The following PINK1 variants were observed in gnomAD, a reference collection of about 807,000 sequenced individuals.
PINK1 encodes the protein serine/threonine-protein kinase PINK1, mitochondrial.
Under a neutral mutation model 56.0 loss-of-function variants are expected in PINK1, and 58 were observed. That is an observed-to-expected ratio of 1.04 (90% CI 0.84 to 1.29). The LOEUF (loss-of-function observed/expected upper bound fraction) is 1.29, where lower values mean the gene tolerates loss of function less well. Ranked by LOEUF, PINK1 falls within the 50% of genes most tolerant of loss-of-function variation. The pLI, the probability that PINK1 is intolerant of heterozygous loss-of-function variation, is 0.00. For missense variants in PINK1, 745 were observed against 777.9 expected, an observed-to-expected ratio of 0.96 and a Z score of 0.50; for synonymous variants, 354 against 339.3, an observed-to-expected ratio of 1.04 and a Z score of -0.48.
At position 20,650,546 on chromosome 1, in the gene PINK1, A is replaced by G; in HGVS notation, c.1601A>G (p.Gln534Arg). The change falls in exon 8 of 8, where the codon CAA (glutamine) becomes CGA (arginine). Residue 534 changes from glutamine to arginine, a missense_variant. Physicochemically the swap from Gln to Arg is conservative, Grantham distance 43. Transcript: ENST00000321556. ...AAGATGGTTGGCTGGCTCCTCCAAC[A>G]ATCGGCCGCCACTTTGTTGGCCAAC... ...LDKMVGWLLQQSAATLLANRL... is the reference protein window; with the variant it reads ...LDKMVGWLLQRSAATLLANRL... 1 of 1,614,240 alleles carries G rather than the reference A, an allele frequency of 6.2e-7. No individual in the cohort carries two copies. The highest frequency in any genetic ancestry group is 8.5e-7 in the Non-Finnish European group (1 of 1,180,046).
At chr1:20,636,079 A>T (rs1276519512) in intron 1 of PINK1, among the ~76,000 whole-genome samples, 1 of 152,058 alleles carries the variant, frequency 6.6e-6, no homozygotes, top group African/African-American at 2.4e-5. Flanking sequence ...AGGTGGGTGG[A>T]TTGCTTGAGC....
intron 3 of PINK1, among the ~76,000 whole-genome samples, chr1:20,642,011 C>T (rs996951199): frequency 6.6e-6 from 1 of 152,142 alleles, no homozygotes; most frequent in Non-Finnish European, 1.5e-5. Flanking sequence ...CCCAGGGGCC[C>T]GAGGGTGGAA....
rs1404815028 is a variant in PINK1, at chr1:20,650,659, C to T, written c.1714C>T (p.Leu572Phe). Residue 572 changes from leucine (L) to phenylalanine (F), a missense_variant, in exon 8 of 8, where the codon CTC becomes TTC. Physicochemically the swap from Leu to Phe is conservative, Grantham distance 22. Coordinates refer to ENST00000321556, the MANE Select transcript of PINK1 (RefSeq NM_032409.3). The part of the protein sequence containing the change: ...LECETLCQAA[L>F]LLCSWRAAL The stretch of plus-strand genomic sequence containing the variant: ...GTGTGAAACGCTCTGCCAGGCAGCC[C>T]TCCTCCTCTGCTCATGGAGGGCAGC... The T allele has an allele frequency of 6.2e-7, 1 of 1,613,970 alleles. No homozygotes were observed. Among genetic ancestry groups the T allele is most frequent in the Non-Finnish European group, 8.5e-7 (1 of 1,180,042 alleles).
At chr1:20,646,869 TA>T (rs2053188488) in intron 5 of PINK1, among the ~76,000 whole-genome samples, 1 of 136,792 alleles carries the variant, frequency 7.3e-6, no homozygotes, top group Non-Finnish European at 1.6e-5. Context: ...TTTCTTTATT[TA>T]TTTACTTATT....
rs1018195590 is a variant in PINK1, at chr1:20,633,886, A to C, written c.338A>C (p.Glu113Ala). The C allele has an allele frequency of 9.5e-6, 15 of 1,583,510 alleles. No homozygotes were observed. The highest frequency in any genetic ancestry group is 1.1e-5 in the Non-Finnish European group (13 of 1,166,832). Residue 113 changes from glutamate to alanine, a missense_variant, in exon 1 of 8, where the codon GAA (glutamate) becomes GCA (alanine). By Grantham distance (107) the Glu-to-Ala change is moderately radical. Transcript: ENST00000321556. ...GGGCTAGGGCTGGGCCTCATCGAGG[A>C]AAAACAGGCGGAGAGCCGGCGGGCG... is the stretch of plus-strand genomic sequence containing the variant. ...AFGLGLGLIE[E>A]KQAESRRAVS... is the part of the protein sequence containing the mutation.
intron 5 of PINK1, 147 bp downstream of exon 5, chr1:20,645,870 T>G: frequency 8.3e-5 from 90 of 1,089,940 alleles, no homozygotes; most frequent in Middle Eastern, 3.0e-4. Context: ...TAGCAATCTC[T>G]CCCTTAGAAC....
At chr1:20,645,363 C>T (rs926524477) in intron 4 of PINK1, 197 bp from the exon 5 acceptor site, 8 of 646,898 alleles carry the variant, frequency 1.2e-5, no homozygotes, top group Non-Finnish European at 1.9e-5. Flanking sequence ...GTGGCGGGCA[C>T]CTATAATCCC....
chr1:20,639,704 T>C, intron 2 of PINK1, 188 bp from the exon 3 acceptor site: 1 of 667,608 alleles, frequency 1.5e-6, no homozygotes, highest in Non-Finnish European at 2.7e-6. Context: ...TTGGCATGGA[T>C]GGTACCTCTG....
At chr1:20,636,392 T>C (rs1055219787) in intron 1 of PINK1, among the ~76,000 whole-genome samples, 9 of 151,814 alleles carry the variant, frequency 5.9e-5, no homozygotes, top group African/African-American at 2.2e-4. Context: ...TCGCCCAGGC[T>C]GTGCAATGGC....
At chr1:20,648,702 G>A (rs548735481) in intron 6 of PINK1, 70 bp downstream of exon 6, 31 of 1,591,852 alleles carry the variant, frequency 1.9e-5, no homozygotes, top group East Asian at 4.5e-5. Flanking sequence ...CAGGAGACTC[G>A]ATGCCTTGTG....
intron 1 of PINK1, among the ~76,000 whole-genome samples, chr1:20,635,615 A>G (rs1152994): frequency 1 from 152,025 of 152,036 alleles, 76,007 homozygotes; most frequent in Middle Eastern, 1. Context: ...TTGGGAGGCC[A>G]AGGCGGGCGG....
Position 20,639,888 on chromosome 1 carries a change from C to G in PINK1, c.676-4C>G. 6.2e-7 allele frequency: 1 copy of G among 1,610,570 alleles called. No individual in the cohort carries two copies. Among genetic ancestry groups the G allele is most frequent in the South Asian group, 1.1e-5 (1 of 90,172 alleles). ...TAACCCTGGGTTCCTTGTGGGTGTT[C>G]CAGGCAGGTTCCTCCAGCGAAGCCA... On this transcript the variant is annotated splice_polypyrimidine_tract_variant and splice_region_variant and intron_variant, in intron 2 of 7. Coordinates refer to ENST00000321556, the MANE Select transcript of PINK1 (RefSeq NM_032409.3).
rs1409170187 is a variant in PINK1 at position 20,644,471 on chromosome 1, G to C, written c.777-19G>C. The C allele has an allele frequency of 1.2e-6, 2 of 1,613,614 alleles. No individual in the cohort carries two copies. The highest frequency in any genetic ancestry group is 1.7e-6 in the Non-Finnish European group (2 of 1,179,620). ...TATCTGATGCTGGCCTCATATGTTT[G>C]TCTCACTTGGCTGACTAGAAAATCC... On this transcript the variant is annotated intron_variant, in intron 3 of 7. Coordinates refer to ENST00000321556, the MANE Select transcript of PINK1 (RefSeq NM_032409.3).
Position 20,633,594 on chromosome 1 carries a change from G to C in PINK1, c.46G>C (p.Ala16Pro). 1 of 1,247,840 alleles carries C rather than the reference G, an allele frequency of 8.0e-7. No homozygotes were observed. Among genetic ancestry groups the C allele is most frequent in the Non-Finnish European group, 1.0e-6 (1 of 999,322 alleles). The allele number at this position is 1,247,840 out of a possible 1,614,324, so 77.3% of individuals were successfully genotyped here. The change falls in exon 1 of 8, where the codon GCG becomes CCG. Residue 16 changes from alanine (A) to proline (P), a missense_variant. Coordinates refer to ENST00000321556, the MANE Select transcript of PINK1 (RefSeq NM_032409.3). ...ALGRGLQLGR[A>P]LLLRFTGKPG... Reference sequence around the variant, plus strand: ...GGGCCGCGGCCTGCAGCTGGGTCGAGCGCTGCTGCTGCGCTTCACGGGCAA... The same window carrying C: ...GGGCCGCGGCCTGCAGCTGGGTCGACCGCTGCTGCTGCGCTTCACGGGCAA...
chr1:20,644,692 C>T lies in PINK1; in HGVS notation c.959+20C>T, dbSNP rs372498707. On this transcript the variant is annotated intron_variant, in intron 4 of 7. Transcript: ENST00000321556. ...GAAGAAGTAAGTGACAGCAGCGCGG[C>T]AGGGCCTGGAGCTGATACATCTCCC... 22 of 1,613,248 alleles carry T rather than the reference C, an allele frequency of 1.4e-5. No homozygotes were observed. The highest frequency in any genetic ancestry group is 1.9e-5 in the Non-Finnish European group (22 of 1,179,894).
In PINK1 at chr1:20,644,685, A is replaced by G; in HGVS notation, c.959+13A>G. 6.2e-7 allele frequency: 1 copy of G among 1,613,868 alleles called. No homozygotes were observed. The highest frequency in any genetic ancestry group is 8.5e-7 in the Non-Finnish European group (1 of 1,179,972). ...TCGTTATGAAGAAGTAAGTGACAGC[A>G]GCGCGGCAGGGCCTGGAGCTGATAC... is the stretch of plus-strand genomic sequence containing the variant. On this transcript the variant is annotated intron_variant, in intron 4 of 7. Coordinates refer to ENST00000321556, the MANE Select transcript of PINK1 (RefSeq NM_032409.3).
Position 20,644,690 on chromosome 1 carries a change from G to A in PINK1, c.959+18G>A, listed in dbSNP as rs748526651. On this transcript the variant is annotated intron_variant, in intron 4 of 7. Coordinates refer to ENST00000321556, the MANE Select transcript of PINK1 (RefSeq NM_032409.3). The stretch of plus-strand genomic sequence containing the variant: ...ATGAAGAAGTAAGTGACAGCAGCGC[G>A]GCAGGGCCTGGAGCTGATACATCTC... 19 of 1,613,240 alleles carry A rather than the reference G, an allele frequency of 1.2e-5. No homozygotes were observed. Among genetic ancestry groups the A allele is most frequent in the African/African-American group, 5.3e-5 (4 of 74,940 alleles).
In PINK1 at chr1:20,650,575, C is replaced by G; in HGVS notation, c.1630C>G (p.Leu544Val). 1 of 1,614,224 alleles carries G rather than the reference C, an allele frequency of 6.2e-7. No homozygotes were observed. The highest frequency in any genetic ancestry group is 8.5e-7 in the Non-Finnish European group (1 of 1,180,048). ...GGCCGCCACTTTGTTGGCCAACAGG[C>G]TCACAGAGAAGTGTTGTGTGGAAAC... ...QSAATLLANR[L>V]TEKCCVETKM... Residue 544 changes from leucine (L) to valine (V), a missense_variant, in exon 8 of 8, where the codon CTC (leucine) becomes GTC (valine). Physicochemically the swap from Leu to Val is conservative, Grantham distance 32. Coordinates refer to ENST00000321556, the MANE Select transcript of PINK1 (RefSeq NM_032409.3).
rs1426602206 is a variant in PINK1, at chr1:20,641,614, C to T, written c.776+1622C>T. On this transcript the variant is annotated intron_variant, in intron 3 of 7. Coordinates refer to ENST00000321556, the MANE Select transcript of PINK1 (RefSeq NM_032409.3). This position sits in a 1 kb window ranked among gnomAD's most constrained non-coding sequence, Gnocchi z 4.0. ...GGCAGCAGGTACATTACCTCAACTT[C>T]TGGTACACCTTGGGAGAAGCTTTCC... 6.6e-6 allele frequency among the ~76,000 whole-genome samples: 1 copy of T among 152,152 alleles called. No homozygotes were observed. The highest frequency in any genetic ancestry group is 2.4e-5 in the African/African-American group (1 of 41,412).
Sources: allele counts gnomAD v4.1 joint callset (sites outside exome capture counted in the v4.1 genomes callset), GRCh38; gene constraint gnomAD v4.1.1; non-coding constraint Gnocchi (gnomAD v3.1); transcripts MANE v1.5; gene names NCBI Gene and HGNC (gene_info 2026-07-23, HGNC 2026-07-21).